FAM81B: variants seen among roughly 807,000 people sequenced by gnomAD.
FAM81B encodes the protein protein FAM81B.
In FAM81B, 60 loss-of-function variants were observed where a neutral mutation model predicts 58.7. That is an observed-to-expected ratio of 1.02 (90% CI 0.83 to 1.27). FAM81B has a LOEUF of 1.27. FAM81B is among the 50% of genes most tolerant of loss of function. The probability of loss-of-function intolerance (pLI) is 0.00; values close to 1 mark genes in which losing one functional copy is unlikely to be tolerated. For synonymous variants in FAM81B, 189 were observed against 179.6 expected (o/e 1.05, Z -0.42); for missense variants, 491 against 522.0 (o/e 0.94, Z 0.58).
intron 7 of FAM81B, among the ~76,000 whole-genome samples, chr5:95,444,486 T>G (rs1745479788): frequency 6.6e-6 from 1 of 152,058 alleles, no homozygotes; most frequent in African/African-American, 2.4e-5. Context: ...TGAGGAAGAG[T>G]ATTCCAGATA....
rs780916465 is a variant in FAM81B at position 95,420,393 on chromosome 5, G to A, written c.647G>A (p.Arg216Lys). ...CAAGGAGTTGGAGATCTTCGAGGAAGAGTAGCCAGGTGAGAAGAAGCATGT... is the reference window on the plus strand; with the variant it reads ...CAAGGAGTTGGAGATCTTCGAGGAAAAGTAGCCAGGTGAGAAGAAGCATGT... ...HLQGVGDLRG[R>K]VARCDSSIVK... The change falls in exon 5 of 10, where the codon AGA becomes AAA. Residue 216 changes from arginine to lysine, a missense_variant. Coordinates refer to ENST00000283357, the MANE Select transcript of FAM81B (RefSeq NM_152548.3). The A allele has an allele frequency of 1.9e-6, 3 of 1,613,646 alleles. No individual in the cohort carries two copies. The highest frequency in any genetic ancestry group is 1.1e-5 in the South Asian group (1 of 91,058).
At chr5:95,443,872 T>A (rs971428163) in intron 7 of FAM81B, among the ~76,000 whole-genome samples, 1 of 152,202 alleles carries the variant, frequency 6.6e-6, no homozygotes, top group Non-Finnish European at 1.5e-5. Context: ...CTTCCAGAGA[T>A]ATTACATGGG....
chr5:95,398,181 G>A (rs1255474152), intron 3 of FAM81B, among the ~76,000 whole-genome samples: 1 of 152,160 alleles, frequency 6.6e-6, no homozygotes, highest in Admixed American at 6.5e-5. Flanking sequence ...CACTTTGGGA[G>A]GCAGAGGTGG....
intron 4 of FAM81B, among the ~76,000 whole-genome samples, chr5:95,418,152 T>C (rs926472855): frequency 1.3e-5 from 2 of 152,172 alleles, no homozygotes; most frequent in African/African-American, 2.4e-5. Flanking sequence ...ATGGTGTGAA[T>C]CATCCCTTTG....
intron 3 of FAM81B, among the ~76,000 whole-genome samples, chr5:95,400,638 A>G (rs1762087942): frequency 6.6e-6 from 1 of 152,202 alleles, no homozygotes; most frequent in African/African-American, 2.4e-5. Flanking sequence ...AACCCATAAC[A>G]ATATTTAATA....
At chr5:95,446,456 A>G in intron 7 of FAM81B, 106 bp from the exon 8 acceptor site, 1 of 1,096,336 alleles carries the variant, frequency 9.1e-7, no homozygotes, top group Admixed American at 2.9e-5. Context: ...AATACTTGCT[A>G]GACACACTGA....
chr5:95,446,816 T>TTC, intron 8 of FAM81B, 119 bp downstream of exon 8: 1 of 1,347,886 alleles, frequency 7.4e-7, no homozygotes, highest in Non-Finnish European at 1.0e-6. Flanking sequence ...CAGTAACTTT[T>TTC]TTTTTTTTAA....
At chr5:95,422,740 T>C (rs1040208419) in intron 5 of FAM81B, among the ~76,000 whole-genome samples, 1 of 152,240 alleles carries the variant, frequency 6.6e-6, no homozygotes, top group Non-Finnish European at 1.5e-5. Context: ...TGCAAACCAC[T>C]TACAAACCAA....
At chr5:95,420,735 T>C (rs1366099829) in intron 5 of FAM81B, among the ~76,000 whole-genome samples, 1 of 152,202 alleles carries the variant, frequency 6.6e-6, no homozygotes, top group African/African-American at 2.4e-5. Flanking sequence ...CAAATGCGAA[T>C]GAGTAAAACA....
intron 7 of FAM81B, among the ~76,000 whole-genome samples, chr5:95,445,017 G>C (rs1037768975): frequency 7.9e-5 from 12 of 152,104 alleles, no homozygotes; most frequent in African/African-American, 2.7e-4. Flanking sequence ...GGGGCAAGCA[G>C]GTGGGAGGGG....
In FAM81B at chr5:95,436,846, C is replaced by T; in HGVS notation, c.833C>T (p.Thr278Ile). The T allele has an allele frequency of 6.2e-7, 1 of 1,614,006 alleles. No homozygotes were observed. Among genetic ancestry groups the T allele is most frequent in the Non-Finnish European group, 8.5e-7 (1 of 1,179,936 alleles). The stretch of plus-strand genomic sequence containing the variant: ...ATAGAAACTGCCAGTTCTGAGCAAA[C>T]CTCGAATTTAAAGATGGTCCAGGGG... ...GKIETASSEQ[T>I]SNLKMVQGDY... Residue 278 changes from threonine to isoleucine, a missense_variant, in exon 7 of 10, where the codon ACC (threonine) becomes ATC (isoleucine). Transcript: ENST00000283357.
At chr5:95,411,063 T>G (rs750115188) in intron 3 of FAM81B, among the ~76,000 whole-genome samples, 4 of 152,166 alleles carry the variant, frequency 2.6e-5, no homozygotes, top group Admixed American at 2.0e-4. Context: ...CTCAGTTATA[T>G]AGATTTGAAG....
chr5:95,444,539 G>A (rs1365540458), intron 7 of FAM81B, among the ~76,000 whole-genome samples: 4 of 152,142 alleles, frequency 2.6e-5, no homozygotes, highest in Non-Finnish European at 5.9e-5. Context: ...CGTATCCAGT[G>A]GGTGGGCTTA....
intron 4 of FAM81B, 89 bp from the exon 5 acceptor site, chr5:95,420,195 T>C: frequency 5.9e-6 from 9 of 1,527,016 alleles, no homozygotes; most frequent in Non-Finnish European, 8.1e-6. Flanking sequence ...AATTACAAAA[T>C]GCATTCATTT....
chr5:95,420,536 G>A (rs777622822), intron 5 of FAM81B, 134 bp downstream of exon 5: 3 of 1,282,764 alleles, frequency 2.3e-6, no homozygotes, highest in Non-Finnish European at 2.1e-6. Context: ...TGGCATTTGA[G>A]AAAGTGTACC....
chr5:95,406,676 C>G (rs553253973), intron 3 of FAM81B, among the ~76,000 whole-genome samples: 4 of 152,154 alleles, frequency 2.6e-5, no homozygotes, highest in Non-Finnish European at 5.9e-5. Context: ...CACCCACACA[C>G]GCACCAGTTT....
intron 5 of FAM81B, among the ~76,000 whole-genome samples, chr5:95,421,855 A>T (rs910640965): frequency 1.3e-5 from 2 of 152,230 alleles, no homozygotes; most frequent in Non-Finnish European, 2.9e-5. Context: ...TGAATTAAGC[A>T]GGGGGAGGTC....
At chr5:95,395,088 C>CA (rs774040303) in intron 2 of FAM81B, among the ~76,000 whole-genome samples, 2 of 152,074 alleles carry the variant, frequency 1.3e-5, no homozygotes, top group Non-Finnish European at 2.9e-5. Flanking sequence ...CACCAATAGG[C>CA]TATTAAAATT....
At chr5:95,447,235 A>G (rs573702953) in intron 8 of FAM81B, among the ~76,000 whole-genome samples, 9 of 152,124 alleles carry the variant, frequency 5.9e-5, no homozygotes, top group Non-Finnish European at 1.2e-4. Context: ...ACCTTACCCA[A>G]TGGGAAGGGC....
Sources: allele counts gnomAD v4.1 joint callset (sites outside exome capture counted in the v4.1 genomes callset), GRCh38; gene constraint gnomAD v4.1.1; transcripts MANE v1.5; gene names NCBI Gene and HGNC (gene_info 2026-07-23, HGNC 2026-07-21).